The following CFAP61 variants were observed in gnomAD, a reference collection of about 807,000 sequenced individuals.
The protein encoded by CFAP61 is cilia and flagella associated protein 61.
Under a neutral mutation model 135.6 loss-of-function variants are expected in CFAP61, and 107 were observed. The ratio of observed to expected loss-of-function variants is 0.79; its 90% confidence interval spans 0.67 to 0.93. The LOEUF (loss-of-function observed/expected upper bound fraction) is 0.93, where lower values mean the gene tolerates loss of function less well. Ranked by LOEUF, CFAP61 falls within the 40% of genes least tolerant of loss-of-function variation. The probability of loss-of-function intolerance (pLI) is 0.00; values close to 1 mark genes in which losing one functional copy is unlikely to be tolerated. For missense variants in CFAP61, 1,507 were observed against 1,556.2 expected (o/e 0.97, Z 0.53); for synonymous variants, 575 against 578.5 (o/e 0.99, Z 0.09).
At chr20:20,278,021 G>A (rs936690717) in intron 22 of CFAP61, among the ~76,000 whole-genome samples, 10 of 152,196 alleles carry the variant, frequency 6.6e-5, no homozygotes, top group Admixed American at 1.3e-4. Flanking sequence ...ATTTGCTAGA[G>A]GCAAGTTGCC....
At chr20:20,296,482 T>C (rs1775296905) in intron 24 of CFAP61, among the ~76,000 whole-genome samples, 1 of 143,788 alleles carries the variant, frequency 7.0e-6, no homozygotes. Flanking sequence ...TTCTTTTTCC[T>C]CCCTCCCTCC....
At chr20:20,300,607 G>GTT (rs760598213) in intron 25 of CFAP61, among the ~76,000 whole-genome samples, 58 of 145,668 alleles carry the variant, frequency 4.0e-4, no homozygotes, top group Non-Finnish European at 6.9e-4. Context: ...TGTTTTTTTT[G>GTT]TTTTTTTTTT....
In CFAP61 at chr20:20,199,464, G is replaced by T. The variant is rs894293234; in HGVS notation, c.1798-304G>T. Among the ~76,000 whole-genome samples, 3 of 152,108 alleles carry T rather than the reference G, an allele frequency of 2.0e-5. No individual in the cohort carries two copies. The East Asian group carries it at 5.8e-4, about 29-fold the overall frequency. ...ATCAAGCTGATGCATGATCACTATGGAGAAGAATATCCTCCCGGGGAAAAT... is the reference window on the plus strand; with the variant it reads ...ATCAAGCTGATGCATGATCACTATGTAGAAGAATATCCTCCCGGGGAAAAT... On this transcript the variant is annotated intron_variant, in intron 16 of 26. Transcript: ENST00000245957.
At chr20:20,325,118 G>A (rs1342257589) in intron 25 of CFAP61, among the ~76,000 whole-genome samples, 1 of 152,090 alleles carries the variant, frequency 6.6e-6, no homozygotes, top group African/African-American at 2.4e-5. Flanking sequence ...TAAGAAGAAA[G>A]TACAGAGCTC....
At chr20:20,336,912 T>A (rs1342536598) in intron 25 of CFAP61, among the ~76,000 whole-genome samples, 1 of 152,154 alleles carries the variant, frequency 6.6e-6, no homozygotes, top group African/African-American at 2.4e-5. Context: ...CCACCATGTG[T>A]GCATTTCTGG....
chr20:20,121,249 G>A (rs1197681251), intron 8 of CFAP61, among the ~76,000 whole-genome samples: 1 of 151,218 alleles, frequency 6.6e-6, no homozygotes. Flanking sequence ...GGGACTACAG[G>A]CACATGCCAC....
intron 24 of CFAP61, among the ~76,000 whole-genome samples, chr20:20,294,683 C>T (rs768174777): frequency 4.6e-5 from 7 of 151,820 alleles, no homozygotes; most frequent in Non-Finnish European, 8.8e-5. Context: ...AATCCCAGCA[C>T]TTTGGGAGGC....
intron 24 of CFAP61, among the ~76,000 whole-genome samples, chr20:20,295,498 A>C (rs1022324577): frequency 6.6e-6 from 1 of 152,128 alleles, no homozygotes; most frequent in African/African-American, 2.4e-5. Flanking sequence ...GCAGTTTTCC[A>C]GCTTTTTCAC....
intron 17 of CFAP61, among the ~76,000 whole-genome samples, chr20:20,211,562 T>C (rs1814832598): frequency 6.6e-6 from 1 of 152,078 alleles, no homozygotes; most frequent in African/African-American, 2.4e-5. Context: ...GCCATAAAGA[T>C]TTTTTTTACT....
rs751376184 is a variant in CFAP61 at position 20,251,576 on chromosome 20, G to C, written c.2160-19G>C. On this transcript the variant is annotated intron_variant, in intron 19 of 26. Coordinates refer to ENST00000245957, the MANE Select transcript of CFAP61 (RefSeq NM_015585.4). ...TGTCAGCTGCTCAGATGTCACTTAC[G>C]GAGCTTCTCTCTTTGCAGCCACTGT... The C allele has an allele frequency of 1.2e-6, 2 of 1,612,146 alleles. No individual in the cohort carries two copies. Among genetic ancestry groups the C allele is most frequent in the Non-Finnish European group, 1.7e-6 (2 of 1,178,948 alleles).
intron 20 of CFAP61, among the ~76,000 whole-genome samples, chr20:20,260,043 C>T (rs1229848510): frequency 1.3e-5 from 2 of 152,198 alleles, no homozygotes; most frequent in Non-Finnish European, 2.9e-5. Context: ...TGTTCTCTCC[C>T]TTGCCTCTTT....
At chr20:20,291,649 C>A (rs931426922) in intron 24 of CFAP61, among the ~76,000 whole-genome samples, 1 of 152,170 alleles carries the variant, frequency 6.6e-6, no homozygotes, top group Admixed American at 6.5e-5. Flanking sequence ...GTCAATGGAG[C>A]AAGTAGATTG....
chr20:20,336,450 G>A (rs370837099), intron 25 of CFAP61, among the ~76,000 whole-genome samples: 9 of 151,974 alleles, frequency 5.9e-5, no homozygotes, highest in East Asian at 3.9e-4. Flanking sequence ...GCAAGACCCC[G>A]TTTCTGAAAG....
intron 26 of CFAP61, among the ~76,000 whole-genome samples, chr20:20,347,440 G>C (rs182617783): frequency 1.2e-3 from 178 of 152,292 alleles, no homozygotes; most frequent in African/African-American, 4.2e-3. Flanking sequence ...CCAAAAGTTA[G>C]TTCTTTGGAA....
At chr20:20,155,440 C>T (rs2052815766) in intron 9 of CFAP61, among the ~76,000 whole-genome samples, 1 of 152,132 alleles carries the variant, frequency 6.6e-6, no homozygotes, top group East Asian at 1.9e-4. Context: ...AACTAAAAAG[C>T]TTCTGCACAG....
chr20:20,087,269 C>T (rs1319251689), intron 6 of CFAP61, among the ~76,000 whole-genome samples: 1 of 152,142 alleles, frequency 6.6e-6, no homozygotes, highest in Non-Finnish European at 1.5e-5. Flanking sequence ...AACAGTTTTT[C>T]AACCCATACC....
At chr20:20,229,715 T>C (rs2146949376) in intron 18 of CFAP61, among the ~76,000 whole-genome samples, 1 of 152,382 alleles carries the variant, frequency 6.6e-6, no homozygotes, top group Admixed American at 6.5e-5. Flanking sequence ...TTTTTCACTT[T>C]CTAGCCAGTT....
intron 16 of CFAP61, 72 bp from the exon 17 acceptor site, chr20:20,199,696 A>G: frequency 2.6e-6 from 4 of 1,524,678 alleles, no homozygotes; most frequent in Non-Finnish European, 3.6e-6. Flanking sequence ...GTATTTGTAA[A>G]GCTGTACGCA....
At chr20:20,109,589 C>T (rs2048655816) in intron 8 of CFAP61, among the ~76,000 whole-genome samples, 1 of 152,156 alleles carries the variant, frequency 6.6e-6, no homozygotes, top group African/African-American at 2.4e-5. Context: ...ACTCCCTTCC[C>T]CCTCTAACTA....
Sources: gnomAD v4.1 joint callset for allele counts (sites outside exome capture counted in the v4.1 genomes callset) on GRCh38, gnomAD v4.1.1 for gene constraint, MANE v1.5 for transcripts, NCBI Gene and HGNC (gene_info 2026-07-23, HGNC 2026-07-21) for gene names.